ZNF730: variants seen among roughly 807,000 people sequenced by gnomAD.
ZNF730 encodes the protein putative zinc finger protein 730.
Under a neutral mutation model 12.6 loss-of-function variants are expected in ZNF730, and 12 were observed. The ratio of observed to expected loss-of-function variants is 0.95; its 90% confidence interval spans 0.61 to 1.54. ZNF730 has a LOEUF of 1.54. ZNF730 is among the 40% of genes most tolerant of loss of function. The pLI, the probability that ZNF730 is intolerant of heterozygous loss-of-function variation, is 0.00. For synonymous variants in ZNF730, 194 were observed against 195.8 expected, an observed-to-expected ratio of 0.99 and a Z score of 0.08; for missense variants, 643 against 583.5, an observed-to-expected ratio of 1.10 and a Z score of -1.05.
intron 1 of ZNF730, among the ~76,000 whole-genome samples, chr19:23,120,295 G>C (rs1908941): frequency 0.57 from 87,362 of 151,982 alleles, 26,871 homozygotes; most frequent in South Asian, 0.73. Context: ...ACAACTGGCT[G>C]GTCCTGGGCT....
intron 1 of ZNF730, chr19:23,098,510 C>T (rs900949944): frequency 2.0e-5 from 3 of 152,178 alleles, no homozygotes; most frequent in African/African-American, 4.8e-5. Flanking sequence ...CCTGCCTCAG[C>T]CCTGTCCACA....
At chr19:23,077,648 G>A (rs1240665109) in intron 1 of ZNF730, among the ~76,000 whole-genome samples, 1 of 151,562 alleles carries the variant, frequency 6.6e-6, no homozygotes, top group African/African-American at 2.4e-5. Flanking sequence ...CATCATGTTG[G>A]CCAGGCTGGT....
chr19:23,140,692 G>T (rs1180519794), intron 3 of ZNF730, among the ~76,000 whole-genome samples: 1 of 151,440 alleles, frequency 6.6e-6, no homozygotes, highest in Non-Finnish European at 1.5e-5. Context: ...GGTGGCTCAC[G>T]TCTGTAATCC....
chr19:23,084,306 G>A (rs1970019309), intron 1 of ZNF730, among the ~76,000 whole-genome samples: 1 of 152,090 alleles, frequency 6.6e-6, no homozygotes, highest in South Asian at 2.1e-4. Flanking sequence ...ATGCTGTTTT[G>A]GTTATAATAG....
At chr19:23,080,196 G>C (rs990386333) in intron 1 of ZNF730, among the ~76,000 whole-genome samples, 2 of 152,052 alleles carry the variant, frequency 1.3e-5, no homozygotes, top group African/African-American at 4.8e-5. Flanking sequence ...ATAATATCCT[G>C]TTGTATATAT....
chr19:23,112,373 T>C (rs576074489), upstream of ZNF730, among the ~76,000 whole-genome samples: 4 of 152,286 alleles, frequency 2.6e-5, no homozygotes, highest in East Asian at 3.9e-4. Flanking sequence ...GGTATACTTA[T>C]ATGTAGAGAA....
intron 1 of ZNF730, chr19:23,099,913 A>C (rs988580403): frequency 3.9e-5 from 6 of 151,974 alleles, no homozygotes; most frequent in Non-Finnish European, 8.8e-5. Flanking sequence ...AGCCCACAGG[A>C]GGCATTGTGA....
upstream of ZNF730, among the ~76,000 whole-genome samples, chr19:23,114,311 T>TC (rs1970491120): frequency 8.7e-6 from 1 of 115,182 alleles, no homozygotes; most frequent in Non-Finnish European, 1.9e-5. Flanking sequence ...TTTTCTTTTT[T>TC]TTTTTTTTTT....
intron 1 of ZNF730, among the ~76,000 whole-genome samples, chr19:23,089,514 C>T (rs557419249): frequency 1.5e-4 from 23 of 152,058 alleles, no homozygotes; most frequent in African/African-American, 5.3e-4. Context: ...TGTTTTTTTC[C>T]TGTAGTATTC....
intron 1 of ZNF730, among the ~76,000 whole-genome samples, chr19:23,086,703 G>A (rs896733300): frequency 2.6e-5 from 4 of 152,118 alleles, no homozygotes; most frequent in Admixed American, 2.0e-4. Flanking sequence ...TAGTATAGTT[G>A]AAAGTCGGGT....
intron 1 of ZNF730, among the ~76,000 whole-genome samples, chr19:23,107,375 T>G: frequency 7.2e-6 from 1 of 138,212 alleles, no homozygotes; most frequent in Non-Finnish European, 1.5e-5. Context: ...ATAAGACTTA[T>G]GACACCCACC....
At position 23,105,461 on chromosome 19, in the gene ZNF730, TTA is replaced by T. The variant is rs775121193; in HGVS notation, c.-93-28614_-93-28613del. 7.0e-4 allele frequency among the ~76,000 whole-genome samples: 107 copies of T among 152,152 alleles called. 1 individual carries two copies. Among genetic ancestry groups the T allele is most frequent in the African/African-American group, 2.5e-3 (105 of 41,536 alleles). On this transcript the variant is annotated intron_variant, in intron 1 of 2. Transcript: ENST00000593635. ...TTTTATACATTTCTTTCTACATGGA[TTA>T]TATAAATTGGGCTTTCCAGCAGAAA...
At chr19:23,075,673 G>T (rs1969844920) in intron 1 of ZNF730, among the ~76,000 whole-genome samples, 1 of 152,180 alleles carries the variant, frequency 6.6e-6, no homozygotes, top group South Asian at 2.1e-4. Flanking sequence ...GGTCATCAGG[G>T]TAGAATCCCG....
At chr19:23,141,985 C>T (rs189813930) in intron 3 of ZNF730, among the ~76,000 whole-genome samples, 2 of 151,724 alleles carry the variant, frequency 1.3e-5, no homozygotes, top group Non-Finnish European at 2.9e-5. Context: ...TTCTTTTATT[C>T]TGTCGATATT....
At chr19:23,130,942 A>G (rs1300247001) in intron 1 of ZNF730, among the ~76,000 whole-genome samples, 1 of 152,170 alleles carries the variant, frequency 6.6e-6, no homozygotes, top group African/African-American at 2.4e-5. Context: ...ATTAGAAAAG[A>G]TCAGTTTTGG....
rs968144867 is a variant in ZNF730, at chr19:23,105,222, A to G, written c.-93-28858A>G. The stretch of plus-strand genomic sequence containing the variant: ...ATCCTCCACCTCCCAGGTTCAAGCA[A>G]TTCTCTGCCTCAGCCTCTTGGGTAG... On this transcript the variant is annotated intron_variant, in intron 1 of 2. Coordinates refer to the ZNF730 transcript ENST00000593635. 3.3e-5 allele frequency among the ~76,000 whole-genome samples: 5 copies of G among 151,428 alleles called. No homozygotes were observed. The South Asian group carries it at 6.2e-4, about 19-fold the overall frequency.
At chr19:23,129,607 T>A (rs1970719899) in intron 1 of ZNF730, among the ~76,000 whole-genome samples, 1 of 142,276 alleles carries the variant, frequency 7.0e-6, no homozygotes, top group Non-Finnish European at 1.5e-5. Flanking sequence ...GTAACTAACT[T>A]GCTTTTAATT....
chr19:23,096,749 ACT>A (rs1326690949), intron 1 of ZNF730, among the ~76,000 whole-genome samples: 3 of 152,016 alleles, frequency 2.0e-5, no homozygotes, highest in Non-Finnish European at 4.4e-5. Flanking sequence ...AGGTGATGTG[ACT>A]CTGCTCTATG....
intron 1 of ZNF730, among the ~76,000 whole-genome samples, chr19:23,090,671 T>G (rs1970142785): frequency 1.3e-5 from 2 of 151,978 alleles, no homozygotes; most frequent in African/African-American, 4.8e-5. Flanking sequence ...TCACAGCAGC[T>G]CCTCCCATCA....
Sources: allele counts gnomAD v4.1 joint callset (sites outside exome capture counted in the v4.1 genomes callset), GRCh38; gene constraint gnomAD v4.1.1; transcripts MANE v1.5; gene names NCBI Gene and HGNC (gene_info 2026-07-23, HGNC 2026-07-21).